Variants in VPS33B observed in about 807,000 individuals in gnomAD.
The protein encoded by VPS33B is VPS33B late endosome and lysosome associated, also known as vacuolar protein sorting-associated protein 33B.
VPS33B carries 80 observed loss-of-function variants against 95.3 expected under a neutral mutation model. That is an observed-to-expected ratio of 0.84 (90% CI 0.70 to 1.01). The LOEUF is 1.01. Ranked by LOEUF, VPS33B falls within the 50% of genes least tolerant of loss-of-function variation. The pLI is 0.00. For missense variants in VPS33B, 715 were observed against 773.4 expected, an observed-to-expected ratio of 0.92 and a Z score of 0.90; for synonymous variants, 280 against 280.4, an observed-to-expected ratio of 1.00 and a Z score of 0.01.
In VPS33B at chr15:90,999,261, T is replaced by C. The variant is rs2040362784; in HGVS notation, c.1775-207A>G. The C allele has an allele frequency of 4.8e-6, 3 of 629,358 alleles. No individual in the cohort carries two copies. The East Asian group carries it at 8.3e-5, about 17-fold the overall frequency. The allele number at this position is 629,358 out of a possible 1,614,324, so 39.0% of individuals were successfully genotyped here. ...CTGTGGCAGCCCAGAGTTAAGGCTA[T>C]GGCAAGTTGTATTCTGAGGCCAGGA... On this transcript the variant is annotated intron_variant, in intron 22 of 22. Coordinates refer to ENST00000333371, the MANE Select transcript of VPS33B (RefSeq NM_018668.5). The surrounding 1 kb of genome is among the most constrained non-coding windows in gnomAD (Gnocchi z 5.1).
At chr15:91,022,075 A>C (rs2041119029) in intron 1 of VPS33B, 79 bp downstream of exon 1, 2 of 1,486,374 alleles carry the variant, frequency 1.3e-6, no homozygotes, top group Non-Finnish European at 1.8e-6. Flanking sequence ...ACAAGATCAA[A>C]GGGGCACGGC....
rs1344503223 is a variant in VPS33B, at chr15:91,007,142, T to C, written c.604-96A>G. The C allele has an allele frequency of 4.5e-6, 6 of 1,335,232 alleles. No individual in the cohort carries two copies. The African/African-American group carries it at 5.8e-5, about 13-fold the overall frequency. The allele number at this position is 1,335,232 out of a possible 1,614,324, so 82.7% of individuals were successfully genotyped here. A position where few individuals can be genotyped will look rare whatever the true frequency, so the allele number is the denominator to read the frequency against. On this transcript the variant is annotated intron_variant, in intron 8 of 22. Transcript: ENST00000333371. This position sits in a 1 kb window ranked among gnomAD's most constrained non-coding sequence, Gnocchi z 5.3. ...GCCCTTTCCACGTGATACTTCCTCT[T>C]GTCCCCGAGACAGGAGCTAATTATT...
In VPS33B at chr15:91,007,628, G is replaced by C; in HGVS notation, c.499-55C>G. 1.3e-6 allele frequency: 2 copies of C among 1,585,556 alleles called. No homozygotes were observed. The highest frequency in any genetic ancestry group is 1.1e-5 in the South Asian group (1 of 90,462). On this transcript the variant is annotated intron_variant, in intron 7 of 22. Coordinates refer to ENST00000333371, the MANE Select transcript of VPS33B (RefSeq NM_018668.5). The surrounding 1 kb of genome is among the most constrained non-coding windows in gnomAD (Gnocchi z 5.3). ...TGAATCAACCCAGTAGGACCACCTG[G>C]AAAGTGGCTAGCCCTAGAAGCCCTG...
intron 6 of VPS33B, among the ~76,000 whole-genome samples, chr15:91,008,916 G>A (rs1362205811): frequency 6.6e-6 from 1 of 152,170 alleles, no homozygotes; most frequent in African/African-American, 2.4e-5. Flanking sequence ...GGAAAAGCAT[G>A]GGTAAAGTCT....
At chr15:91,012,018 A>G (rs368795671) in intron 5 of VPS33B, among the ~76,000 whole-genome samples, 9 of 141,952 alleles carry the variant, frequency 6.3e-5, no homozygotes, top group East Asian at 5.3e-4. Flanking sequence ...AACAAAACAA[A>G]ACAAGACAAG....
rs1482812092 is a variant in VPS33B, at chr15:91,022,578, G to GA, written c.-330dup. 2.9e-5 allele frequency: 6 copies of GA among 206,168 alleles called. No homozygotes were observed. The highest frequency in any genetic ancestry group is 1.7e-3 in the Middle Eastern group (1 of 572). 12.8% of individuals were successfully genotyped at this position (206,168 alleles called of 1,614,324 possible). A position where few individuals can be genotyped will look rare whatever the true frequency, so the allele number is the denominator to read the frequency against. On this transcript the variant is annotated 5_prime_UTR_variant, in exon 1 of 23. Transcript: ENST00000333371. Reference sequence around the variant, plus strand: ...ACGAGGAGAACCCCGCCTTCTACCAGAAAAAGAAGCGACTTCCTAGATCTC... The same window carrying GA: ...ACGAGGAGAACCCCGCCTTCTACCAGAAAAAAGAAGCGACTTCCTAGATCTC...
chr15:91,007,366 A>G lies in VPS33B; in HGVS notation c.603+103T>C, dbSNP rs2040640401. 1 of 1,151,902 alleles carries G rather than the reference A, an allele frequency of 8.7e-7. No individual in the cohort carries two copies. The allele number at this position is 1,151,902 out of a possible 1,614,324, so 71.4% of individuals were successfully genotyped here. A position where few individuals can be genotyped will look rare whatever the true frequency, so the allele number is the denominator to read the frequency against. On this transcript the variant is annotated intron_variant, in intron 8 of 22. Coordinates refer to ENST00000333371, the MANE Select transcript of VPS33B (RefSeq NM_018668.5). This position sits in a 1 kb window ranked among gnomAD's most constrained non-coding sequence, Gnocchi z 5.3. ...TATTCCAGAACAATGAAAGCAAAGT[A>G]AAGAATACACCTCATATCACAGGTG...
At chr15:91,001,902 A>G in intron 18 of VPS33B, 148 bp downstream of exon 18, 1 of 1,306,840 alleles carries the variant, frequency 7.7e-7, no homozygotes, top group Non-Finnish European at 1.1e-6. Context: ...TGCTCTTACT[A>G]GCAGAAGTAG....
chr15:91,004,326 A>G (rs948965125), intron 16 of VPS33B, among the ~76,000 whole-genome samples: 2 of 152,134 alleles, frequency 1.3e-5, no homozygotes, highest in African/African-American at 2.4e-5. Context: ...AGGTTGCACA[A>G]TCTGGAATTT....
At chr15:91,003,185 C>G in intron 16 of VPS33B, 54 bp from the exon 17 acceptor site, 1 of 1,577,994 alleles carries the variant, frequency 6.3e-7, no homozygotes, top group Non-Finnish European at 8.7e-7. Flanking sequence ...GCAGAGGCAC[C>G]CTAAAATGTA....
intron 16 of VPS33B, among the ~76,000 whole-genome samples, chr15:91,004,232 A>G (rs1596354339): frequency 7.0e-6 from 1 of 143,486 alleles, no homozygotes; most frequent in East Asian, 2.2e-4. Flanking sequence ...TAAAAAAAAA[A>G]AAAAGAAGAA....
In VPS33B at chr15:90,999,535, G is replaced by A. The variant is rs991142003; in HGVS notation, c.1774+142C>T. 4 of 869,242 alleles carry A rather than the reference G, an allele frequency of 4.6e-6. No homozygotes were observed. The Admixed American group carries it at 6.8e-5, about 15-fold the overall frequency. The allele number at this position is 869,242 out of a possible 1,614,324, so 53.8% of individuals were successfully genotyped here. ...GGTTTCACCATGTTGGTCAGGCTAG[G>A]CTCTAACTCCTGACCTCAGGTGATC... On this transcript the variant is annotated intron_variant, in intron 22 of 22. Coordinates refer to ENST00000333371, the MANE Select transcript of VPS33B (RefSeq NM_018668.5). The surrounding 1 kb of genome is among the most constrained non-coding windows in gnomAD (Gnocchi z 5.1).
chr15:91,001,430 T>G lies in VPS33B; in HGVS notation c.1438A>C (p.Lys480Gln). 3 of 1,614,116 alleles carry G rather than the reference T, an allele frequency of 1.9e-6. No homozygotes were observed. The highest frequency in any genetic ancestry group is 2.5e-6 in the Non-Finnish European group (3 of 1,179,976). The change falls in exon 19 of 23, where the codon AAG (lysine) becomes CAG (glutamine). Residue 480 changes from lysine (K) to glutamine (Q), a missense_variant. Transcript: ENST00000333371. ...KITDAFSSLA[K>Q]RSNFRAISKK... The stretch of plus-strand genomic sequence containing the variant: ...CTGATGGCACGAAAATTGCTCCTCT[T>G]GGCCAGAGAACTGAAGGCATCAGTA...
chr15:91,006,529 CTA>C lies in VPS33B; in HGVS notation c.779-86_779-85del. 6.2e-7 allele frequency: 1 copy of C among 1,610,410 alleles called. No homozygotes were observed. Among genetic ancestry groups the C allele is most frequent in the African/African-American group, 1.3e-5 (1 of 74,990 alleles). ...CTGAACTGCCATAAAGGTCCTCAAA[CTA>C]TTTGGAAGCCAGCAGTTCATTCAGG... On this transcript the variant is annotated intron_variant, in intron 10 of 22. Transcript: ENST00000333371. This position sits in a 1 kb window ranked among gnomAD's most constrained non-coding sequence, Gnocchi z 5.4.
In VPS33B at chr15:91,013,368, T is replaced by C. The variant is rs74037613; in HGVS notation, c.357+436A>G. Reference sequence around the variant, plus strand: ...GAGGGAGTGCTATGGTTTGAATGTGTCTCCCAAAAGTTCATCTGTTGGAAA... The same window carrying C: ...GAGGGAGTGCTATGGTTTGAATGTGCCTCCCAAAAGTTCATCTGTTGGAAA... On this transcript the variant is annotated intron_variant, in intron 5 of 22. Coordinates refer to ENST00000333371, the MANE Select transcript of VPS33B (RefSeq NM_018668.5). The surrounding 1 kb of genome is among the most constrained non-coding windows in gnomAD (Gnocchi z 4.5). Among the ~76,000 whole-genome samples, 20 of 152,288 alleles carry C rather than the reference T, an allele frequency of 1.3e-4. No homozygotes were observed. The highest frequency in any genetic ancestry group is 4.8e-4 in the African/African-American group (20 of 41,548).
intron 16 of VPS33B, among the ~76,000 whole-genome samples, chr15:91,004,476 C>T (rs1294190148): frequency 6.6e-6 from 1 of 152,114 alleles, no homozygotes; most frequent in Admixed American, 6.5e-5. Flanking sequence ...TGTACTCCAG[C>T]ATGGGTGACA....
rs2040621204 is a variant in VPS33B at position 91,006,827 on chromosome 15, C to T, written c.701-98G>A. The T allele has an allele frequency of 8.2e-6, 13 of 1,582,094 alleles. No individual in the cohort carries two copies. The highest frequency in any genetic ancestry group is 1.7e-4 in the Middle Eastern group (1 of 6,040). On this transcript the variant is annotated intron_variant, in intron 9 of 22. Transcript: ENST00000333371. The surrounding 1 kb of genome is among the most constrained non-coding windows in gnomAD (Gnocchi z 5.4). ...TTGATACTTTCCATAGGGCCAAGGA[C>T]CCACGCTCCTCAAAGCTGGGATTCA...
chr15:91,017,370 ATATATATATATATATATATATATATAT>A lies in VPS33B; in HGVS notation c.178-373_178-347del, dbSNP rs2040966042. Reference sequence around the variant, plus strand: ...AGACTCCATCTCTACAAAATTAAATATATATATATATATATATATATATATATATATATATATATATATATATATATA... The same window carrying A: ...AGACTCCATCTCTACAAAATTAAATAATATATATATATATATATATATATA... On this transcript the variant is annotated intron_variant, in intron 2 of 22. Coordinates refer to ENST00000333371, the MANE Select transcript of VPS33B (RefSeq NM_018668.5). Among the ~76,000 whole-genome samples, 9 of 26,962 alleles carry A rather than the reference ATATATATATATATATATATATATATAT, an allele frequency of 3.3e-4. 1 individual carries two copies. The highest frequency in any genetic ancestry group is 9.7e-4 in the African/African-American group (9 of 9,268). The allele number at this position is 26,962 out of a possible 152,430, so 17.7% of individuals were successfully genotyped here.
In VPS33B at chr15:91,000,760, A is replaced by G. The variant is rs1336924486; in HGVS notation, c.1480-169T>C. 1.3e-5 allele frequency: 8 copies of G among 612,452 alleles called. No individual in the cohort carries two copies. The East Asian group carries it at 2.3e-4, about 17-fold the overall frequency. 37.9% of individuals were successfully genotyped at this position (612,452 alleles called of 1,614,324 possible). The stretch of plus-strand genomic sequence containing the variant: ...TAACGGAAGATGGCAGTTTTTGTTC[A>G]GTAACTGCCAGTTCTCTGGAATGAG... On this transcript the variant is annotated intron_variant, in intron 19 of 22. Coordinates refer to ENST00000333371, the MANE Select transcript of VPS33B (RefSeq NM_018668.5). This position sits in a 1 kb window ranked among gnomAD's most constrained non-coding sequence, Gnocchi z 4.9.
Sources: allele counts gnomAD v4.1 joint callset (sites outside exome capture counted in the v4.1 genomes callset), GRCh38; gene constraint gnomAD v4.1.1; non-coding constraint Gnocchi (gnomAD v3.1); transcripts MANE v1.5; gene names NCBI Gene and HGNC (gene_info 2026-07-23, HGNC 2026-07-21).